DPYSL2: variants seen among roughly 807,000 people sequenced by gnomAD.
DPYSL2 encodes the protein dihydropyrimidinase-related protein 2.
DPYSL2 carries 13 observed loss-of-function variants against 69.9 expected under a neutral mutation model. That is an observed-to-expected ratio of 0.19 (90% CI 0.12 to 0.30). DPYSL2 has a LOEUF of 0.30. Among genes scored for constraint, DPYSL2 ranks in the 10% least tolerant of loss-of-function variants. The pLI, the probability that DPYSL2 is intolerant of heterozygous loss-of-function variation, is 1.00. For missense variants in DPYSL2, 587 were observed against 918.9 expected, an observed-to-expected ratio of 0.64 and a Z score of 4.67; for synonymous variants, 326 against 359.1, an observed-to-expected ratio of 0.91 and a Z score of 1.04.
chr8:26,628,950 G>A (rs180771675), intron 7 of DPYSL2, among the ~76,000 whole-genome samples: 17 of 152,294 alleles, frequency 1.1e-4, no homozygotes, highest in Admixed American at 1.0e-3. Flanking sequence ...ATAAGGAAGT[G>A]GATTCAGGAG....
rs543665424 is a variant in DPYSL2 at position 26,536,490 on chromosome 8, G to C, written c.354+21811G>C. ...GTTCGAGACCAGCCTGGTTAACATGGTGAAACGCCGTCTCTACTAAAAATA... is the reference window on the plus strand; with the variant it reads ...GTTCGAGACCAGCCTGGTTAACATGCTGAAACGCCGTCTCTACTAAAAATA... On this transcript the variant is annotated intron_variant, in intron 1 of 13. Transcript: ENST00000521913. Among the ~76,000 whole-genome samples the C allele has an allele frequency of 2.0e-5, 3 of 152,136 alleles. No homozygotes were observed. In the East Asian group the frequency reaches 5.9e-4, roughly 30 times the overall value.
intron 8 of DPYSL2, among the ~76,000 whole-genome samples, chr8:26,635,438 G>A (rs150403748): frequency 6.6e-6 from 1 of 152,300 alleles, no homozygotes; most frequent in East Asian, 1.9e-4. Context: ...GGTGTCCACT[G>A]TAACTAACTG....
chr8:26,629,272 ATAGACACACAGACAG>A (rs1802684226), intron 7 of DPYSL2, among the ~76,000 whole-genome samples: 4 of 152,114 alleles, frequency 2.6e-5, no homozygotes, highest in Non-Finnish European at 4.4e-5. Flanking sequence ...ACACAGACAC[ATAGACACACAGACAG>A]CTAGACACAG....
chr8:26,654,137 T>C lies in DPYSL2; in HGVS notation c.1942+740T>C, dbSNP rs1803334857. Among the ~76,000 whole-genome samples the C allele has an allele frequency of 6.6e-6, 1 of 152,166 alleles. No homozygotes were observed. Among genetic ancestry groups the C allele is most frequent in the Non-Finnish European group, 1.5e-5 (1 of 68,046 alleles). On this transcript the variant is annotated intron_variant, in intron 13 of 13. Coordinates refer to ENST00000521913, the MANE Select transcript of DPYSL2 (RefSeq NM_001197293.3). The surrounding 1 kb of genome is among the most constrained non-coding windows in gnomAD (Gnocchi z 5.0). Reference sequence around the variant, plus strand: ...TGCTTCAGTCTCCTCACCTGTATAATGGCAATAATAGTAGTTGCTCCCCCG... The same window carrying C: ...TGCTTCAGTCTCCTCACCTGTATAACGGCAATAATAGTAGTTGCTCCCCCG...
intron 1 of DPYSL2, among the ~76,000 whole-genome samples, chr8:26,515,269 G>A (rs1808260995): frequency 1.3e-5 from 2 of 152,178 alleles, no homozygotes; most frequent in African/African-American, 4.8e-5. Context: ...CTCGCAGCGT[G>A]AGAAGAGCCA....
At position 26,614,146 on chromosome 8, in the gene DPYSL2, A is replaced by G. The variant is rs1301272122; in HGVS notation, c.629-9997A>G. ...CCTGTCTCAAAAAAATAAATAAAAG[A>G]TAAAAAATAAAGAAAATGAGGGTGG... On this transcript the variant is annotated intron_variant, in intron 3 of 13. Transcript: ENST00000521913. The surrounding 1 kb of genome is among the most constrained non-coding windows in gnomAD (Gnocchi z 4.9). Among the ~76,000 whole-genome samples, 1 of 151,960 alleles carries G rather than the reference A, an allele frequency of 6.6e-6. No homozygotes were observed. The highest frequency in any genetic ancestry group is 2.4e-5 in the African/African-American group (1 of 41,412).
At chr8:26,555,064 A>C (rs994426101) in intron 1 of DPYSL2, among the ~76,000 whole-genome samples, 19 of 75,594 alleles carry the variant, frequency 2.5e-4, no homozygotes, top group African/African-American at 7.5e-4. Flanking sequence ...ACAAAATTCA[A>C]CATCTATTAG....
At position 26,564,962 on chromosome 8, in the gene DPYSL2, C is replaced by T. The variant is rs1801126071; in HGVS notation, c.355-17007C>T. 6.6e-6 allele frequency among the ~76,000 whole-genome samples: 1 copy of T among 152,066 alleles called. No homozygotes were observed. Among genetic ancestry groups the T allele is most frequent in the Non-Finnish European group, 1.5e-5 (1 of 68,010 alleles). ...TCTGAGTCTCCAAAGTCCATTATAT[C>T]ACTCTGTATGCCTTTGTGTATTCAT... is the stretch of plus-strand genomic sequence containing the variant. On this transcript the variant is annotated intron_variant, in intron 1 of 13. Transcript: ENST00000521913. This position sits in a 1 kb window ranked among gnomAD's most constrained non-coding sequence, Gnocchi z 4.8.
Position 26,518,038 on chromosome 8 carries a change from C to G in DPYSL2, c.354+3359C>G, listed in dbSNP as rs115222664. 7.1e-3 allele frequency among the ~76,000 whole-genome samples: 1,086 copies of G among 152,328 alleles called. 8 individuals carry two copies. Among genetic ancestry groups the G allele is most frequent in the African/African-American group, 0.025 (1,030 of 41,560 alleles). On this transcript the variant is annotated intron_variant, in intron 1 of 13. Coordinates refer to ENST00000521913, the MANE Select transcript of DPYSL2 (RefSeq NM_001197293.3). ...TAAAATCAGTCTTGGCTTCCCTTCTCCCATTCAGAATTCTTAACTTGCATT... is the reference window on the plus strand; with the variant it reads ...TAAAATCAGTCTTGGCTTCCCTTCTGCCATTCAGAATTCTTAACTTGCATT...
chr8:26,628,076 C>A, intron 7 of DPYSL2, 136 bp downstream of exon 7: 2 of 847,052 alleles, frequency 2.4e-6, no homozygotes, highest in South Asian at 1.6e-5. Flanking sequence ...AGCTGTGGGT[C>A]ACGTGTGTGT....
intron 7 of DPYSL2, among the ~76,000 whole-genome samples, chr8:26,629,427 G>A (rs924365554): frequency 5.3e-5 from 8 of 152,186 alleles, no homozygotes; most frequent in Non-Finnish European, 1.2e-4. Context: ...GACACTTTCA[G>A]TAGCATTTGA....
At chr8:26,543,659 A>C (rs1800719851) in intron 1 of DPYSL2, among the ~76,000 whole-genome samples, 3 of 152,048 alleles carry the variant, frequency 2.0e-5, no homozygotes. Context: ...AGCTAATTTT[A>C]TATTTTTAGT....
At position 26,643,920 on chromosome 8, in the gene DPYSL2, G is replaced by T; in HGVS notation, c.1284-30G>T. 1 of 1,607,470 alleles carries T rather than the reference G, an allele frequency of 6.2e-7. No individual in the cohort carries two copies. Among genetic ancestry groups the T allele is most frequent in the Admixed American group, 1.7e-5 (1 of 59,572 alleles). Reference sequence around the variant, plus strand: ...AGGCGCACAGCATCTTGACGAAGCTGCAGCACCACGTTATGCATTTTCTTT... The same window carrying T: ...AGGCGCACAGCATCTTGACGAAGCTTCAGCACCACGTTATGCATTTTCTTT... On this transcript the variant is annotated intron_variant, in intron 9 of 13. Coordinates refer to ENST00000521913, the MANE Select transcript of DPYSL2 (RefSeq NM_001197293.3). The surrounding 1 kb of genome is among the most constrained non-coding windows in gnomAD (Gnocchi z 6.5).
intron 1 of DPYSL2, chr8:26,578,212 C>T: frequency 1.2e-6 from 2 of 1,612,194 alleles, no homozygotes; most frequent in Non-Finnish European, 1.7e-6. Flanking sequence ...CAGTTTTTGC[C>T]TTAAAGCTGC....
At chr8:26,520,470 G>A (rs1808366699) in intron 1 of DPYSL2, among the ~76,000 whole-genome samples, 1 of 108,114 alleles carries the variant, frequency 9.2e-6, no homozygotes, top group South Asian at 3.0e-4. Flanking sequence ...AGTTCTGAAT[G>A]CCTGTTTTTT....
chr8:26,623,687 T>C, intron 3 of DPYSL2, among the ~76,000 whole-genome samples: 1 of 152,064 alleles, frequency 6.6e-6, no homozygotes, highest in East Asian at 1.9e-4. Context: ...AGAGAGCAGG[T>C]AATGCCCGGG....
At chr8:26,534,009 T>A (rs888741614) in intron 1 of DPYSL2, among the ~76,000 whole-genome samples, 1 of 152,050 alleles carries the variant, frequency 6.6e-6, no homozygotes, top group Non-Finnish European at 1.5e-5. Flanking sequence ...GCTTTGAAGG[T>A]CCAAGGAATG....
chr8:26,563,268 C>T (rs534456598), intron 1 of DPYSL2, among the ~76,000 whole-genome samples: 6 of 152,210 alleles, frequency 3.9e-5, no homozygotes, highest in African/African-American at 7.2e-5. Context: ...AACATTCCAC[C>T]TCATCCTAAT....
intron 3 of DPYSL2, chr8:26,623,791 CAAA>C (rs1264134228): frequency 2.8e-5 from 6 of 215,162 alleles, no homozygotes; most frequent in Non-Finnish European, 5.6e-5. Flanking sequence ...GCTTTCAACA[CAAA>C]GAAGGGTTTG....
Sources: allele counts gnomAD v4.1 joint callset (sites outside exome capture counted in the v4.1 genomes callset), GRCh38; gene constraint gnomAD v4.1.1; non-coding constraint Gnocchi (gnomAD v3.1); transcripts MANE v1.5; gene names NCBI Gene and HGNC (gene_info 2026-07-23, HGNC 2026-07-21).